The following TMEM132D variants were observed in gnomAD, a reference collection of about 807,000 sequenced individuals.
TMEM132D encodes the protein transmembrane protein 132D, also known as mature OL transmembrane protein.
TMEM132D carries 21 observed loss-of-function variants against 62.3 expected under a neutral mutation model. The ratio of observed to expected loss-of-function variants is 0.34; its 90% CI spans 0.24 to 0.49. The LOEUF (loss-of-function observed/expected upper bound fraction) is 0.49. Among genes scored for constraint, TMEM132D ranks in the 20% least tolerant of loss-of-function variants. The pLI is 0.99. For synonymous variants in TMEM132D, 621 were observed against 575.6 expected (o/e 1.08, Z -1.13); for missense variants, 1,346 against 1,402.8 (o/e 0.96, Z 0.65).
chr12:129,431,540 T>G (rs1281883568), intron 3 of TMEM132D, among the ~76,000 whole-genome samples: 1 of 152,176 alleles, frequency 6.6e-6, no homozygotes, highest in Admixed American at 6.5e-5. Flanking sequence ...ATCCAGGTTC[T>G]AACCACATCA....
chr12:129,109,570 T>C (rs1260231213), intron 5 of TMEM132D: 1 of 152,340 alleles, frequency 6.6e-6, no homozygotes, highest in Non-Finnish European at 1.5e-5. Flanking sequence ...CAGTGGGAGG[T>C]AACGGAATCA....
At chr12:129,877,628 C>CACACACACAGAGAGAGAGAG (rs869172595) in intron 1 of TMEM132D, among the ~76,000 whole-genome samples, 1 of 146,854 alleles carries the variant, frequency 6.8e-6, no homozygotes, top group African/African-American at 2.6e-5. Context: ...CACACACACA[C>CACACACACAGAGAGAGAGAG]AGAGAGAGAG....
chr12:129,191,390 CAT>C (rs540764120), intron 5 of TMEM132D, among the ~76,000 whole-genome samples: 79 of 150,448 alleles, frequency 5.3e-4, no homozygotes, highest in African/African-American at 1.8e-3. Flanking sequence ...AGAAATTACA[CAT>C]ATAGAATACA....
At chr12:129,757,989 G>A (rs892537613) in intron 1 of TMEM132D, among the ~76,000 whole-genome samples, 11 of 152,038 alleles carry the variant, frequency 7.2e-5, no homozygotes, top group Admixed American at 3.9e-4. Flanking sequence ...TGCAACCTCC[G>A]CCTCCTGGGT....
At chr12:129,459,528 T>G (rs1873589230) in intron 3 of TMEM132D, among the ~76,000 whole-genome samples, 1 of 152,152 alleles carries the variant, frequency 6.6e-6, no homozygotes, top group Non-Finnish European at 1.5e-5. Context: ...ATGGGAATAC[T>G]TATTTTGAAC....
chr12:129,738,651 T>C (rs1277318092), intron 1 of TMEM132D, among the ~76,000 whole-genome samples: 4 of 152,144 alleles, frequency 2.6e-5, no homozygotes, highest in Non-Finnish European at 2.9e-5. Flanking sequence ...GAGCCAGCTG[T>C]CCTGAATGAT....
At chr12:129,232,956 C>A (rs1375078040) in intron 4 of TMEM132D, among the ~76,000 whole-genome samples, 1 of 152,070 alleles carries the variant, frequency 6.6e-6, no homozygotes, top group African/African-American at 2.4e-5. Flanking sequence ...CACTCGCCTC[C>A]CACCAGGTCC....
intron 5 of TMEM132D, among the ~76,000 whole-genome samples, chr12:129,193,787 G>C (rs1441642681): frequency 6.6e-6 from 1 of 152,180 alleles, no homozygotes; most frequent in Non-Finnish European, 1.5e-5. Flanking sequence ...AAATGAGTAA[G>C]ACATGTTCCC....
intron 3 of TMEM132D, among the ~76,000 whole-genome samples, chr12:129,378,916 T>C (rs1467193892): frequency 6.6e-6 from 1 of 152,206 alleles, no homozygotes; most frequent in African/African-American, 2.4e-5. Flanking sequence ...GTCTCGGCGT[T>C]CTTTTCAACC....
chr12:129,143,962 A>T (rs1876817155), intron 5 of TMEM132D, among the ~76,000 whole-genome samples: 1 of 152,128 alleles, frequency 6.6e-6, no homozygotes, highest in Non-Finnish European at 1.5e-5. Context: ...AATTCCCTGG[A>T]CCATTCTTGG....
At chr12:129,100,914 G>A (rs1293715982) in intron 5 of TMEM132D, among the ~76,000 whole-genome samples, 1 of 152,218 alleles carries the variant, frequency 6.6e-6, no homozygotes, top group Non-Finnish European at 1.5e-5. Flanking sequence ...ACAGCTGTCT[G>A]GGGGTCGGTG....
At chr12:129,901,548 G>A (rs1410864143) in intron 1 of TMEM132D, among the ~76,000 whole-genome samples, 2 of 152,140 alleles carry the variant, frequency 1.3e-5, no homozygotes, top group Non-Finnish European at 2.9e-5. Flanking sequence ...CATATGCTAG[G>A]CTTATCGTAA....
chr12:129,379,610 T>C (rs552020223), intron 3 of TMEM132D, among the ~76,000 whole-genome samples: 2 of 152,276 alleles, frequency 1.3e-5, no homozygotes, highest in Admixed American at 1.3e-4. Context: ...AGTCTGACTG[T>C]TTTTACTGGT....
At chr12:129,355,142 A>T (rs1869998846) in intron 3 of TMEM132D, among the ~76,000 whole-genome samples, 1 of 152,254 alleles carries the variant, frequency 6.6e-6, no homozygotes, top group Non-Finnish European at 1.5e-5. Flanking sequence ...ACCATATTAG[A>T]CAGGAAAGCT....
chr12:129,246,572 A>G (rs1880119962), intron 4 of TMEM132D, among the ~76,000 whole-genome samples: 1 of 152,140 alleles, frequency 6.6e-6, no homozygotes, highest in African/African-American at 2.4e-5. Flanking sequence ...CCTGGCCAAC[A>G]TCGTGAACAC....
chr12:129,820,468 G>A (rs1872514684), intron 1 of TMEM132D, among the ~76,000 whole-genome samples: 1 of 152,202 alleles, frequency 6.6e-6, no homozygotes, highest in African/African-American at 2.4e-5. Context: ...CTCTGGAGCA[G>A]TTAACCATAC....
At chr12:129,350,407 G>C (rs936149448) in intron 3 of TMEM132D, among the ~76,000 whole-genome samples, 1 of 152,134 alleles carries the variant, frequency 6.6e-6, no homozygotes, top group African/African-American at 2.4e-5. Context: ...ATAAATAGTT[G>C]GGTCCACTTA....
At chr12:129,343,771 C>T (rs140230027) in intron 3 of TMEM132D, among the ~76,000 whole-genome samples, 1 of 127,146 alleles carries the variant, frequency 7.9e-6, no homozygotes, top group Non-Finnish European at 1.7e-5. Context: ...CAAAAAAAAA[C>T]AAAAAAAAAA....
chr12:129,081,052 G>T (rs941465627), intron 7 of TMEM132D, among the ~76,000 whole-genome samples: 2 of 152,172 alleles, frequency 1.3e-5, no homozygotes, highest in African/African-American at 2.4e-5. Flanking sequence ...TCCTGAAGCC[G>T]TGGGAAGGTT....
Sources: allele counts gnomAD v4.1 joint callset (sites outside exome capture counted in the v4.1 genomes callset), GRCh38; gene constraint gnomAD v4.1.1; transcripts MANE v1.5; gene names NCBI Gene and HGNC (gene_info 2026-07-23, HGNC 2026-07-21).